The following PTPRE variants were observed in gnomAD, a reference collection of about 807,000 sequenced individuals.
PTPRE encodes protein tyrosine phosphatase receptor type E, also known as receptor-type tyrosine-protein phosphatase epsilon.
In PTPRE, 51 loss-of-function variants were observed where a neutral mutation model predicts 102.0. That is an observed-to-expected ratio of 0.50 (90% CI 0.40 to 0.63). The LOEUF is 0.63. Ranked by LOEUF, PTPRE falls within the 30% of genes least tolerant of loss-of-function variation. PTPRE has a pLI of 0.00. For missense variants in PTPRE, 752 were observed against 915.1 expected, an observed-to-expected ratio of 0.82 and a Z score of 2.30; for synonymous variants, 345 against 348.2, an observed-to-expected ratio of 0.99 and a Z score of 0.10.
chr10:127,970,797 A>T (rs1270247077), intron 1 of PTPRE, among the ~76,000 whole-genome samples: 1 of 151,456 alleles, frequency 6.6e-6, no homozygotes, highest in Non-Finnish European at 1.5e-5. Context: ...CCTTGTTACT[A>T]TGGAAGATTT....
chr10:128,077,570 G>A, intron 18 of PTPRE, 47 bp from the exon 19 acceptor site: 3 of 1,566,312 alleles, frequency 1.9e-6, no homozygotes, highest in African/African-American at 1.3e-5. Flanking sequence ...GCTGGGGCCT[G>A]TTCCCCGGCA....
chr10:127,936,290 CA>C lies in PTPRE; in HGVS notation c.-31+28984del, dbSNP rs1227140595. 5.3e-5 allele frequency: 8 copies of C among 152,238 alleles called. No individual in the cohort carries two copies. In the East Asian group the frequency reaches 1.3e-3, roughly 26 times the overall value. 9.4% of individuals were successfully genotyped at this position (152,238 alleles called of 1,614,324 possible). On this transcript the variant is annotated intron_variant, in intron 1 of 20. Coordinates refer to ENST00000254667, the MANE Select transcript of PTPRE (RefSeq NM_006504.6). ...CAGCATGGGAGAGGCAACCCCACAGCAAAGGTTATGTCATGTTTCATAAATG... is the reference window on the plus strand; with the variant it reads ...CAGCATGGGAGAGGCAACCCCACAGCAAGGTTATGTCATGTTTCATAAATG...
chr10:128,038,821 T>C (rs1847439597), intron 2 of PTPRE, among the ~76,000 whole-genome samples: 1 of 152,094 alleles, frequency 6.6e-6, no homozygotes, highest in African/African-American at 2.4e-5. Flanking sequence ...TATATACATA[T>C]AAAAAATGGG....
chr10:128,014,976 C>A (rs1354894300), intron 2 of PTPRE, among the ~76,000 whole-genome samples: 11 of 152,190 alleles, frequency 7.2e-5, no homozygotes, highest in Non-Finnish European at 1.3e-4. Flanking sequence ...GTGCATGCCA[C>A]ACCCGGTCTT....
At chr10:128,061,083 T>C in intron 8 of PTPRE, 68 bp downstream of exon 8, 1 of 1,488,432 alleles carries the variant, frequency 6.7e-7, no homozygotes, top group Non-Finnish European at 9.4e-7. Flanking sequence ...CTTTCTTGTC[T>C]GGTGCCCGGA....
At chr10:127,962,435 G>A (rs1849893003) in intron 1 of PTPRE, among the ~76,000 whole-genome samples, 1 of 152,238 alleles carries the variant, frequency 6.6e-6, no homozygotes, top group Admixed American at 6.5e-5. Context: ...TGACTGTAGG[G>A]CCAGTGCTCT....
intron 9 of PTPRE, among the ~76,000 whole-genome samples, 160 bp downstream of exon 9, chr10:128,061,875 T>C (rs956552270): frequency 7.9e-5 from 12 of 152,336 alleles, no homozygotes; most frequent in African/African-American, 2.2e-4. Flanking sequence ...CGGATATGTG[T>C]AGTCAGAGAA....
chr10:128,077,893 C>A, intron 19 of PTPRE, 110 bp downstream of exon 19: 1 of 1,265,084 alleles, frequency 7.9e-7, no homozygotes, highest in Non-Finnish European at 1.1e-6. Context: ...CCATGGTATT[C>A]CCTAGAGTCT....
chr10:128,067,401 T>C (rs56293026), intron 11 of PTPRE, among the ~76,000 whole-genome samples: 2,902 of 136,188 alleles, frequency 0.021, 111 homozygotes, highest in African/African-American at 0.079. Context: ...CACACACACA[T>C]ACACGCACAT....
chr10:128,045,926 G>C (rs1032669186), intron 3 of PTPRE, among the ~76,000 whole-genome samples: 15 of 152,336 alleles, frequency 9.8e-5, no homozygotes, highest in African/African-American at 3.4e-4. Context: ...GACACTGCTA[G>C]CCAGATGGGG....
chr10:127,908,138 T>C (rs894208754), intron 1 of PTPRE, among the ~76,000 whole-genome samples: 13 of 152,184 alleles, frequency 8.5e-5, no homozygotes, highest in Admixed American at 5.2e-4. Flanking sequence ...TGCAGAATTA[T>C]GATATTGGTT....
chr10:128,051,124 C>T (rs1243102159), intron 6 of PTPRE, among the ~76,000 whole-genome samples: 1 of 152,210 alleles, frequency 6.6e-6, no homozygotes, highest in African/African-American at 2.4e-5. Context: ...TTTCAGCTAG[C>T]AGATCCCCTC....
At chr10:128,056,368 C>G (rs1848962125) in intron 7 of PTPRE, among the ~76,000 whole-genome samples, 155 bp downstream of exon 7, 1 of 152,212 alleles carries the variant, frequency 6.6e-6, no homozygotes, top group Non-Finnish European at 1.5e-5. Context: ...CCAGAACGTT[C>G]CTCTTTAGGT....
intron 12 of PTPRE, 78 bp downstream of exon 12, chr10:128,068,364 G>C: frequency 6.7e-7 from 1 of 1,491,286 alleles, no homozygotes; most frequent in East Asian, 2.3e-5. Context: ...GGCAATGCCA[G>C]GGGACCAATA....
chr10:127,946,202 T>G (rs1016512572), intron 1 of PTPRE, among the ~76,000 whole-genome samples: 1 of 152,180 alleles, frequency 6.6e-6, no homozygotes, highest in Admixed American at 6.5e-5. Flanking sequence ...TTCCTTCTTC[T>G]GAATCTTCCT....
At chr10:127,961,335 T>A (rs949372285) in intron 1 of PTPRE, among the ~76,000 whole-genome samples, 1 of 151,848 alleles carries the variant, frequency 6.6e-6, no homozygotes, top group Admixed American at 6.6e-5. Context: ...ATGAGAACAG[T>A]GTGGGCTTGT....
chr10:127,953,704 C>T (rs1053560551), intron 1 of PTPRE, among the ~76,000 whole-genome samples: 1 of 152,202 alleles, frequency 6.6e-6, no homozygotes, highest in African/African-American at 2.4e-5. Context: ...AGACCAGGAC[C>T]TGCTTTATAG....
At chr10:127,947,175 GT>G (rs1191784125) in intron 1 of PTPRE, among the ~76,000 whole-genome samples, 1 of 152,092 alleles carries the variant, frequency 6.6e-6, no homozygotes, top group Non-Finnish European at 1.5e-5. Flanking sequence ...CTTGTGCATT[GT>G]TCAATTGTTT....
Position 128,072,163 on chromosome 10 carries a change from C to T in PTPRE, c.1413C>T (p.Ser471=), listed in dbSNP as rs1378568536. 1.2e-6 allele frequency: 2 copies of T among 1,613,960 alleles called. No individual in the cohort carries two copies. The highest frequency in any genetic ancestry group is 1.7e-5 in the Admixed American group (1 of 59,998). The change falls in exon 16 of 21, where the codon TCC becomes TCT. Residue 471 remains serine (S), a synonymous_variant. Coordinates refer to ENST00000254667, the MANE Select transcript of PTPRE (RefSeq NM_006504.6). ...ATGACTTCAACCGAGTGATCCTTTC[C>T]ATGAAAAGGGGTCAAGAATACACAG... ...IPYDFNRVIL[S]MKRGQEYTDY...
Sources: gnomAD v4.1 joint callset for allele counts (sites outside exome capture counted in the v4.1 genomes callset) on GRCh38, gnomAD v4.1.1 for gene constraint, MANE v1.5 for transcripts, NCBI Gene and HGNC (gene_info 2026-07-23, HGNC 2026-07-21) for gene names.